CSMD2: variants seen among roughly 807,000 people sequenced by gnomAD.
CSMD2 encodes the protein CUB and sushi domain-containing protein 2.
In CSMD2, 130 loss-of-function variants were observed where a neutral mutation model predicts 398.5. The observed-to-expected ratio is 0.33, with a 90% CI of 0.28 to 0.38. The LOEUF (loss-of-function observed/expected upper bound fraction) is 0.38. Among genes scored for constraint, CSMD2 ranks in the 10% least tolerant of loss-of-function variants. The probability of loss-of-function intolerance (pLI) is 1.00; values close to 1 mark genes in which losing one functional copy is unlikely to be tolerated. For missense variants in CSMD2, 3,829 were observed against 4,764.9 expected (o/e 0.80, Z 5.78); for synonymous variants, 1,828 against 1,908.5 (o/e 0.96, Z 1.10).
At chr1:33,622,097 C>T in intron 37 of CSMD2, 70 bp downstream of exon 37, 2 of 1,143,704 alleles carry the variant, frequency 1.7e-6, no homozygotes, top group Non-Finnish European at 2.7e-6. Context: ...TTAATCCTTG[C>T]TCAGAAGGGG....
At chr1:33,596,041 G>T (rs1487369069) in intron 44 of CSMD2, among the ~76,000 whole-genome samples, 1 of 152,018 alleles carries the variant, frequency 6.6e-6, no homozygotes, top group Non-Finnish European at 1.5e-5. Context: ...AACACCATTG[G>T]GTATATTATA....
chr1:33,684,718 G>A (rs1645010642), intron 25 of CSMD2, among the ~76,000 whole-genome samples: 1 of 152,142 alleles, frequency 6.6e-6, no homozygotes, highest in Non-Finnish European at 1.5e-5. Flanking sequence ...ATGCCTGGGA[G>A]GGCCTCACCT....
rs112237860 is a variant in CSMD2 at position 33,734,366 on chromosome 1, T to G, written c.2368+4774A>C. Among the ~76,000 whole-genome samples the G allele has an allele frequency of 3.3e-5, 5 of 152,284 alleles. 1 individual carries two copies. The highest frequency in any genetic ancestry group is 1.2e-4 in the African/African-American group (5 of 41,560). On this transcript the variant is annotated intron_variant, in intron 15 of 70. Coordinates refer to ENST00000373381, the MANE Select transcript of CSMD2 (RefSeq NM_001281956.2). ...TTTACAACCACCAAGTATTCCTTTATTTGTTTATTTGACAGAGTCTAGCTC... is the reference window on the plus strand; with the variant it reads ...TTTACAACCACCAAGTATTCCTTTAGTTGTTTATTTGACAGAGTCTAGCTC...
intron 3 of CSMD2, among the ~76,000 whole-genome samples, chr1:34,018,623 A>T (rs1310069000): frequency 6.6e-6 from 1 of 152,246 alleles, no homozygotes; most frequent in African/African-American, 2.4e-5. Context: ...CTTAATTGAC[A>T]TTACACTGAT....
intron 5 of CSMD2, among the ~76,000 whole-genome samples, chr1:33,865,228 G>A (rs1436879768): frequency 6.6e-6 from 1 of 151,618 alleles, no homozygotes; most frequent in African/African-American, 2.4e-5. Flanking sequence ...GGGCTAGAAG[G>A]CCTAGAGTTC....
chr1:33,648,152 G>A (rs939232376), intron 28 of CSMD2, among the ~76,000 whole-genome samples: 8 of 152,134 alleles, frequency 5.3e-5, no homozygotes, highest in Admixed American at 1.3e-4. Context: ...CACAAGGTCC[G>A]GAGATCGAGA....
intron 68 of CSMD2, among the ~76,000 whole-genome samples, 185 bp downstream of exon 68, chr1:33,521,278 T>C (rs775785939): frequency 5.9e-5 from 9 of 152,124 alleles, no homozygotes; most frequent in Non-Finnish European, 1.2e-4. Flanking sequence ...TGCACATGTG[T>C]TTGCTTTTGG....
chr1:33,821,100 C>G (rs1407308227), intron 7 of CSMD2, among the ~76,000 whole-genome samples: 1 of 152,226 alleles, frequency 6.6e-6, no homozygotes, highest in Non-Finnish European at 1.5e-5. Flanking sequence ...TCTGAGAAAC[C>G]TCTTCCCATC....
rs565050135 is a variant in CSMD2 at position 33,610,902 on chromosome 1, C to A, written c.6343+139G>T. The A allele has an allele frequency of 9.1e-4, 675 of 745,324 alleles. 12 individuals are homozygous for A. In the South Asian group the frequency reaches 0.012, roughly 13 times the overall value. The allele number at this position is 745,324 out of a possible 1,614,324, so 46.2% of individuals were successfully genotyped here. ...GGAGAGATCTGCCACCAAAAGGAAG[C>A]TTCCCTGACTGGGCCTGCCACCGCA... is the stretch of plus-strand genomic sequence containing the variant. On this transcript the variant is annotated intron_variant, in intron 41 of 70. Coordinates refer to ENST00000373381, the MANE Select transcript of CSMD2 (RefSeq NM_001281956.2).
At chr1:34,091,745 G>C (rs1658590086) in intron 1 of CSMD2, among the ~76,000 whole-genome samples, 1 of 152,020 alleles carries the variant, frequency 6.6e-6, no homozygotes, top group Non-Finnish European at 1.5e-5. Context: ...TCAAAACTAG[G>C]AAAAAGAATA....
At chr1:33,888,244 G>A (rs1189214320) in intron 5 of CSMD2, among the ~76,000 whole-genome samples, 2 of 152,060 alleles carry the variant, frequency 1.3e-5, no homozygotes, top group African/African-American at 4.8e-5. Context: ...AATTTCTTTG[G>A]GGGAAATCTG....
At chr1:33,801,174 G>A (rs980301675) in intron 10 of CSMD2, among the ~76,000 whole-genome samples, 2 of 151,960 alleles carry the variant, frequency 1.3e-5, no homozygotes, top group Non-Finnish European at 2.9e-5. Context: ...TTCCTTCCAT[G>A]CCCCCTCCCT....
intron 4 of CSMD2, among the ~76,000 whole-genome samples, chr1:33,921,204 G>A (rs181395938): frequency 1.1e-4 from 16 of 152,282 alleles, no homozygotes; most frequent in African/African-American, 3.4e-4. Flanking sequence ...CAGGAAGGGA[G>A]GGAAGGTAGG....
At chr1:34,004,142 ATC>A (rs1322001223) in intron 3 of CSMD2, among the ~76,000 whole-genome samples, 2 of 152,166 alleles carry the variant, frequency 1.3e-5, no homozygotes, top group Non-Finnish European at 2.9e-5. Flanking sequence ...GGGAAATATA[ATC>A]TCTCTCTTTC....
intron 13 of CSMD2, among the ~76,000 whole-genome samples, chr1:33,770,869 G>A (rs541978852): frequency 6.6e-6 from 1 of 152,272 alleles, no homozygotes; most frequent in Admixed American, 6.5e-5. Context: ...TGGACACCAA[G>A]GGCCTGCTGG....
At chr1:33,592,086 C>A (rs955203297) in intron 44 of CSMD2, 1 of 383,220 alleles carries the variant, frequency 2.6e-6, no homozygotes, top group Non-Finnish European at 4.9e-6. Flanking sequence ...TCAATTCAGG[C>A]TAGAATAAGC....
intron 42 of CSMD2, 23 bp from the exon 43 acceptor site, chr1:33,602,569 G>GT: frequency 1.9e-6 from 3 of 1,562,404 alleles, no homozygotes; most frequent in Non-Finnish European, 2.6e-6. Flanking sequence ...GAACACAAAC[G>GT]TAAGTGCAGG....
intron 49 of CSMD2, among the ~76,000 whole-genome samples, chr1:33,576,563 C>T (rs1638257667): frequency 1.3e-5 from 2 of 152,110 alleles, no homozygotes; most frequent in African/African-American, 2.4e-5. Flanking sequence ...TGGACTCCAG[C>T]CTGGGCGACA....
chr1:33,912,234 A>G (rs920457352), intron 5 of CSMD2, among the ~76,000 whole-genome samples: 1 of 152,120 alleles, frequency 6.6e-6, no homozygotes, highest in Non-Finnish European at 1.5e-5. Flanking sequence ...AGTGAAATAG[A>G]TAAAAAAAGA....
Sources: allele counts gnomAD v4.1 joint callset (sites outside exome capture counted in the v4.1 genomes callset), GRCh38; gene constraint gnomAD v4.1.1; transcripts MANE v1.5; gene names NCBI Gene and HGNC (gene_info 2026-07-23, HGNC 2026-07-21).